WSCD1: variants seen among roughly 807,000 people sequenced by gnomAD.
The protein encoded by WSCD1 is sialate:O-sulfotransferase 1.
A neutral mutation model predicts 60.4 loss-of-function variants in WSCD1; 41 were observed. The ratio of observed to expected loss-of-function variants is 0.68; its 90% CI spans 0.53 to 0.88. The LOEUF (loss-of-function observed/expected upper bound fraction) is 0.88, where lower values mean the gene tolerates loss of function less well. WSCD1 is among the 40% of genes least tolerant of loss of function. WSCD1 has a pLI of 0.00. For missense variants in WSCD1, 784 were observed against 796.2 expected (o/e 0.98, Z 0.18); for synonymous variants, 361 against 332.5 (o/e 1.09, Z -0.93).
rs1908796134 is a variant in WSCD1, at chr17:6,075,528, A to G, written c.-288-4843A>G. Among the ~76,000 whole-genome samples, 1 of 152,068 alleles carries G rather than the reference A, an allele frequency of 6.6e-6. No individual in the cohort carries two copies. The highest frequency in any genetic ancestry group is 2.1e-4 in the South Asian group (1 of 4,816). ...GCTCCCTCGGTCCCAGATGGCAACA[A>G]AGTAATAGACAAAAGCTCAGGTTGT... On this transcript the variant is annotated intron_variant, in intron 1 of 8. Transcript: ENST00000317744. This position sits in a 1 kb window ranked among gnomAD's most constrained non-coding sequence, Gnocchi z 4.1.
chr17:6,080,718 C>G lies in WSCD1; in HGVS notation c.60C>G (p.Phe20Leu), dbSNP rs149790681. The G allele has an allele frequency of 3.6e-4, 583 of 1,613,592 alleles. 2 individuals carry two copies. In the African/African-American group the frequency reaches 7.0e-3, roughly 19 times the overall value. The change falls in exon 2 of 9, where the codon TTC becomes TTG. Residue 20 changes from phenylalanine (F) to leucine (L), a missense_variant. Physicochemically the swap from Phe to Leu is conservative, Grantham distance 22. Coordinates refer to ENST00000317744, the MANE Select transcript of WSCD1 (RefSeq NM_015253.2). The surrounding 1 kb of genome is among the most constrained non-coding windows in gnomAD (Gnocchi z 6.6). ...TCCGCCGAACACAGTTCCTGCTGTT[C>G]TTCCTCACGGCTGCCTACCTGATGA... The part of the protein sequence containing the change: ...KFLRRTQFLL[F>L]FLTAAYLMTG...
chr17:6,109,006 G>C (rs1263924207), intron 5 of WSCD1, among the ~76,000 whole-genome samples: 2 of 152,208 alleles, frequency 1.3e-5, no homozygotes, highest in African/African-American at 4.8e-5. Flanking sequence ...GCACCCTGCA[G>C]TGGGACATCT....
intron 5 of WSCD1, among the ~76,000 whole-genome samples, chr17:6,107,495 T>G (rs1015982266): frequency 2.6e-5 from 4 of 151,990 alleles, no homozygotes; most frequent in East Asian, 1.9e-4. Flanking sequence ...AGTGAGACTC[T>G]GTCTCAAAAA....
chr17:6,124,313 A>G lies in WSCD1; in HGVS notation c.*3652A>G, dbSNP rs1348223970. 1 of 152,256 alleles carries G rather than the reference A, an allele frequency of 6.6e-6. No individual in the cohort carries two copies. Among genetic ancestry groups the G allele is most frequent in the African/African-American group, 2.4e-5 (1 of 41,468 alleles). The allele number at this position is 152,256 out of a possible 1,614,324, so 9.4% of individuals were successfully genotyped here. On this transcript the variant is annotated 3_prime_UTR_variant, in exon 9 of 9. Transcript: ENST00000317744. ...CTGAAGGGAGAGTTGAGAGGCAGAA[A>G]GAGATCAAGTCCTTGGTGAAATTGT...
chr17:6,118,005 G>T lies in WSCD1; in HGVS notation c.1192G>T (p.Asp398Tyr). ...CCCTGCAGGGTTCAAGGGCGAAAAGGACCACTGGCGGAGCCGACGCACCAT... is the reference window on the plus strand; with the variant it reads ...CCCTGCAGGGTTCAAGGGCGAAAAGTACCACTGGCGGAGCCGACGCACCAT... ...LYNKGFKGEK[D>Y]HWRSRRTICV... The change falls in exon 8 of 9, where the codon GAC (aspartate) becomes TAC (tyrosine). Residue 398 changes from aspartate (D) to tyrosine (Y), a missense_variant. Physicochemically the swap from Asp to Tyr is radical, Grantham distance 160. Coordinates refer to ENST00000317744, the MANE Select transcript of WSCD1 (RefSeq NM_015253.2). The surrounding 1 kb of genome is among the most constrained non-coding windows in gnomAD (Gnocchi z 5.8). The T allele has an allele frequency of 6.2e-7, 1 of 1,613,872 alleles. No individual in the cohort carries two copies. The highest frequency in any genetic ancestry group is 1.1e-5 in the South Asian group (1 of 91,030).
intron 7 of WSCD1, among the ~76,000 whole-genome samples, chr17:6,112,629 C>A (rs1258129498): frequency 6.6e-6 from 1 of 151,428 alleles, no homozygotes; most frequent in Non-Finnish European, 1.5e-5. Context: ...AATAAACATG[C>A]AAAAATCAGT....
At chr17:6,093,723 C>T (rs544042132) in intron 4 of WSCD1, among the ~76,000 whole-genome samples, 1 of 152,250 alleles carries the variant, frequency 6.6e-6, no homozygotes, top group African/African-American at 2.4e-5. Flanking sequence ...AGGGGATGTG[C>T]GTGGGTATAC....
At chr17:6,115,295 C>A (rs535072595) in intron 7 of WSCD1, among the ~76,000 whole-genome samples, 1 of 152,196 alleles carries the variant, frequency 6.6e-6, no homozygotes, top group East Asian at 1.9e-4. Context: ...TTTTAGAACC[C>A]TCAATAATTA....
chr17:6,069,807 G>T (rs941933073), upstream of WSCD1, among the ~76,000 whole-genome samples: 1 of 145,220 alleles, frequency 6.9e-6, no homozygotes, highest in African/African-American at 2.6e-5. Flanking sequence ...GTGTGCGTGC[G>T]TGTGTGGTGT....
intron 5 of WSCD1, among the ~76,000 whole-genome samples, chr17:6,103,077 C>A (rs192958507): frequency 6.6e-5 from 10 of 152,318 alleles, no homozygotes; most frequent in Non-Finnish European, 1.5e-4. Context: ...GTTCATACTC[C>A]TACTCCACCA....
chr17:6,120,715 C>T lies in WSCD1; in HGVS notation c.*54C>T. On this transcript the variant is annotated 3_prime_UTR_variant, in exon 9 of 9. Coordinates refer to ENST00000317744, the MANE Select transcript of WSCD1 (RefSeq NM_015253.2). ...TGAGTGACGCAATCGCACCACGGGGCTGCGCTCCCCACTCTGATGCTCAGG... is the reference window on the plus strand; with the variant it reads ...TGAGTGACGCAATCGCACCACGGGGTTGCGCTCCCCACTCTGATGCTCAGG... 2 of 1,535,848 alleles carry T rather than the reference C, an allele frequency of 1.3e-6. No individual in the cohort carries two copies. The highest frequency in any genetic ancestry group is 1.2e-5 in the South Asian group (1 of 81,118).
chr17:6,100,919 G>A (rs1305893599), intron 5 of WSCD1, among the ~76,000 whole-genome samples: 1 of 152,232 alleles, frequency 6.6e-6, no homozygotes, highest in African/African-American at 2.4e-5. Context: ...CAACCATTGT[G>A]AGGATGGAGA....
chr17:6,115,577 TTTTTC>T (rs1007161112), intron 7 of WSCD1, among the ~76,000 whole-genome samples: 5 of 152,242 alleles, frequency 3.3e-5, no homozygotes, highest in Admixed American at 6.5e-5. Context: ...TTTCTTTCCT[TTTTTC>T]TTTTCTTTTC....
intron 5 of WSCD1, among the ~76,000 whole-genome samples, chr17:6,097,086 TGCCACACACA>T (rs1008809405): frequency 4.6e-5 from 7 of 152,212 alleles, no homozygotes; most frequent in African/African-American, 1.7e-4. Flanking sequence ...CTGCTCCTGA[TGCCACACACA>T]GCCACACACT....
In WSCD1 at chr17:6,080,598, T is replaced by A. The variant is rs1001465165; in HGVS notation, c.-61T>A. The A allele has an allele frequency of 5.7e-6, 9 of 1,582,574 alleles. No homozygotes were observed. Among genetic ancestry groups the A allele is most frequent in the Non-Finnish European group, 6.9e-6 (8 of 1,164,480 alleles). On this transcript the variant is annotated 5_prime_UTR_variant, in exon 2 of 9. Coordinates refer to ENST00000317744, the MANE Select transcript of WSCD1 (RefSeq NM_015253.2). This position sits in a 1 kb window ranked among gnomAD's most constrained non-coding sequence, Gnocchi z 6.6. ...ACGCCTCCGGAGGCCCTGGCCTCACTCCCACCTGGGCGCTAGGAGCCATCC... is the reference window on the plus strand; with the variant it reads ...ACGCCTCCGGAGGCCCTGGCCTCACACCCACCTGGGCGCTAGGAGCCATCC...
At chr17:6,070,349 G>T (rs1458813455), upstream of WSCD1, 1 of 147,382 alleles carries the variant, frequency 6.8e-6, no homozygotes, top group African/African-American at 2.5e-5. Flanking sequence ...GCGGCCGGCC[G>T]CTGTCCCCGG....
At chr17:6,094,699 A>G (rs550716819) in intron 4 of WSCD1, among the ~76,000 whole-genome samples, 2 of 142,194 alleles carry the variant, frequency 1.4e-5, no homozygotes, top group Admixed American at 7.0e-5. Flanking sequence ...GGAAGGAAGG[A>G]AGGGAGAGGG....
At chr17:6,109,317 C>T (rs2150564793) in intron 5 of WSCD1, among the ~76,000 whole-genome samples, 2 of 152,300 alleles carry the variant, frequency 1.3e-5, no homozygotes, top group Admixed American at 1.3e-4. Flanking sequence ...TCGCTCATCC[C>T]TCAGTCATAT....
At chr17:6,094,617 G>GGA (rs1910281461) in intron 4 of WSCD1, among the ~76,000 whole-genome samples, 4 of 149,718 alleles carry the variant, frequency 2.7e-5, no homozygotes, top group Non-Finnish European at 5.9e-5. Context: ...GGAGAAGGAA[G>GGA]GAAGGAAGGT....
Sources: gnomAD v4.1 joint callset for allele counts (sites outside exome capture counted in the v4.1 genomes callset) on GRCh38, gnomAD v4.1.1 for gene constraint, Gnocchi (gnomAD v3.1) non-coding constraint, MANE v1.5 for transcripts, NCBI Gene and HGNC (gene_info 2026-07-23, HGNC 2026-07-21) for gene names.